Variants in TBC1D19 observed in about 807,000 individuals in gnomAD.
The protein encoded by TBC1D19 is TBC1 domain family, member 19.
A neutral mutation model predicts 89.0 loss-of-function variants in TBC1D19; 60 were observed. That is an observed-to-expected ratio of 0.67 (90% CI 0.55 to 0.84). The LOEUF (loss-of-function observed/expected upper bound fraction) is 0.84, where lower values mean the gene tolerates loss of function less well. TBC1D19 is among the 40% of genes least tolerant of loss of function. The pLI is 0.00. For missense variants in TBC1D19, 500 were observed against 610.8 expected (o/e 0.82, Z 1.91); for synonymous variants, 189 against 199.7 (o/e 0.95, Z 0.45).
At chr4:26,693,692 T>G (rs1162013264) in intron 13 of TBC1D19, among the ~76,000 whole-genome samples, 1 of 134,474 alleles carries the variant, frequency 7.4e-6, no homozygotes, top group African/African-American at 2.8e-5. Context: ...AGACCCGGTC[T>G]AAAAAAAAAA....
the TBC1D19 span, among the ~76,000 whole-genome samples, chr4:26,814,940 G>A: frequency 2.0e-5 from 3 of 151,944 alleles, no homozygotes; most frequent in South Asian, 2.1e-4. Context: ...GAGGATCACC[G>A]GGACCCAGGA....
intron 1 of TBC1D19, among the ~76,000 whole-genome samples, chr4:26,592,795 C>T (rs868201433): frequency 1.3e-5 from 2 of 151,794 alleles, no homozygotes; most frequent in Non-Finnish European, 2.9e-5. Context: ...TGTGAAGGAC[C>T]TCTTCAAGGA....
At chr4:26,699,113 A>G (rs1222507486) in intron 13 of TBC1D19, among the ~76,000 whole-genome samples, 2 of 152,234 alleles carry the variant, frequency 1.3e-5, no homozygotes, top group African/African-American at 4.8e-5. Flanking sequence ...CAATCTACTC[A>G]TCTGACAAAG....
At chr4:26,799,866 C>G in the TBC1D19 span, among the ~76,000 whole-genome samples, 1 of 147,192 alleles carries the variant, frequency 6.8e-6, no homozygotes, top group Non-Finnish European at 1.5e-5. Flanking sequence ...AATAGGTAAA[C>G]ACTAGCTTGG....
chr4:26,607,983 A>C (rs1235085140), intron 1 of TBC1D19, among the ~76,000 whole-genome samples: 1 of 152,208 alleles, frequency 6.6e-6, no homozygotes, highest in African/African-American at 2.4e-5. Flanking sequence ...CTTCTGTTCA[A>C]CACAGGCCCC....
chr4:26,851,309 CTA>C, the TBC1D19 span, among the ~76,000 whole-genome samples: 269 of 65,314 alleles, frequency 4.1e-3, 1 homozygote, highest in Non-Finnish European at 7.3e-3. Context: ...AATACCCTAT[CTA>C]TCTATCTATC....
At chr4:26,807,589 C>T in the TBC1D19 span, among the ~76,000 whole-genome samples, 6 of 152,166 alleles carry the variant, frequency 3.9e-5, no homozygotes, top group Admixed American at 2.6e-4. Context: ...CTACTAGAAC[C>T]GCCCACCCCT....
chr4:26,753,370 A>G (rs1578021259), intron 19 of TBC1D19, among the ~76,000 whole-genome samples: 2 of 152,092 alleles, frequency 1.3e-5, no homozygotes, highest in South Asian at 2.1e-4. Context: ...TGGCTCACCC[A>G]TGTAATCCCA....
intron 4 of TBC1D19, 139 bp downstream of exon 4, chr4:26,620,827 A>G: frequency 2.9e-6 from 2 of 688,028 alleles, no homozygotes. Flanking sequence ...TGTTAATAGT[A>G]TTTGTATATT....
At chr4:26,629,028 C>T (rs1742621091) in intron 4 of TBC1D19, among the ~76,000 whole-genome samples, 1 of 152,064 alleles carries the variant, frequency 6.6e-6, no homozygotes, top group African/African-American at 2.4e-5. Flanking sequence ...GTTCCAGTCT[C>T]ATCTCTTGCC....
At chr4:26,715,340 TATC>T (rs1055726769) in intron 13 of TBC1D19, among the ~76,000 whole-genome samples, 11 of 152,038 alleles carry the variant, frequency 7.2e-5, no homozygotes, top group Admixed American at 6.6e-5. Context: ...TTCTCCAAAA[TATC>T]ATCTCAATCT....
intron 1 of TBC1D19, among the ~76,000 whole-genome samples, chr4:26,599,155 TTAAAAA>T (rs1283577485): frequency 1.3e-5 from 2 of 152,194 alleles, no homozygotes; most frequent in African/African-American, 4.8e-5. Flanking sequence ...TTATGTATCT[TTAAAAA>T]TAATCTTGGA....
At chr4:26,825,220 T>A in the TBC1D19 span, among the ~76,000 whole-genome samples, 1 of 152,110 alleles carries the variant, frequency 6.6e-6, no homozygotes, top group African/African-American at 2.4e-5. Context: ...TGCCTCAGTT[T>A]CCCGAGTAGC....
At chr4:26,763,568 A>G in the TBC1D19 span, among the ~76,000 whole-genome samples, 147 of 152,322 alleles carry the variant, frequency 9.7e-4, 1 homozygote, top group Admixed American at 8.5e-3. Flanking sequence ...TCTTAAATGT[A>G]CTTGATTGAT....
At chr4:26,684,941 T>C (rs1433982573) in intron 12 of TBC1D19, among the ~76,000 whole-genome samples, 1 of 152,204 alleles carries the variant, frequency 6.6e-6, no homozygotes, top group African/African-American at 2.4e-5. Flanking sequence ...GTATTGTTTT[T>C]CTGCGGAAAA....
At chr4:26,765,859 C>T in the TBC1D19 span, among the ~76,000 whole-genome samples, 5 of 152,078 alleles carry the variant, frequency 3.3e-5, no homozygotes, top group African/African-American at 4.8e-5. Flanking sequence ...CTACTTACTT[C>T]GGGCATGGGG....
At chr4:26,841,582 T>C in the TBC1D19 span, among the ~76,000 whole-genome samples, 2 of 152,046 alleles carry the variant, frequency 1.3e-5, no homozygotes, top group Non-Finnish European at 2.9e-5. Flanking sequence ...GTGTGGTGCA[T>C]GCGAGCTGGT....
intron 1 of TBC1D19, among the ~76,000 whole-genome samples, chr4:26,586,054 TTG>T (rs753036778): frequency 2.6e-5 from 4 of 152,160 alleles, no homozygotes; most frequent in Non-Finnish European, 5.9e-5. Flanking sequence ...CTATGTTTGT[TTG>T]TTCTAGAAGT....
At chr4:26,841,279 C>T in the TBC1D19 span, among the ~76,000 whole-genome samples, 15 of 151,286 alleles carry the variant, frequency 9.9e-5, no homozygotes, top group Non-Finnish European at 1.2e-4. Flanking sequence ...CCCAGCTACT[C>T]GGGAGGCTGA....
Sources: gnomAD v4.1 joint callset for allele counts (sites outside exome capture counted in the v4.1 genomes callset) on GRCh38, gnomAD v4.1.1 for gene constraint, MANE v1.5 for transcripts, NCBI Gene and HGNC (gene_info 2026-07-23, HGNC 2026-07-21) for gene names.